HDAC9: variants seen among roughly 807,000 people sequenced by gnomAD.
HDAC9 encodes MEF-2 interacting transcription repressor (MITR) protein.
In HDAC9, 41 loss-of-function variants were observed where a neutral mutation model predicts 139.4. The observed-to-expected ratio is 0.29, with a 90% CI of 0.23 to 0.38. The LOEUF (loss-of-function observed/expected upper bound fraction) is 0.38, where lower values mean the gene tolerates loss of function less well. Ranked by LOEUF, HDAC9 falls within the 10% of genes least tolerant of loss-of-function variation. The probability of loss-of-function intolerance (pLI) is 1.00; values close to 1 mark genes in which losing one functional copy is unlikely to be tolerated. For missense variants in HDAC9, 1,147 were observed against 1,297.0 expected (o/e 0.88, Z 1.78); for synonymous variants, 517 against 476.2 (o/e 1.09, Z -1.12).
At chr7:18,305,333 A>G (rs1024270461) in intron 1 of HDAC9, among the ~76,000 whole-genome samples, 4 of 152,208 alleles carry the variant, frequency 2.6e-5, no homozygotes, top group African/African-American at 9.7e-5. Flanking sequence ...GGTTCTCAAT[A>G]AACAGTCATC....
At chr7:18,780,144 G>C (rs1791122900) in intron 16 of HDAC9, among the ~76,000 whole-genome samples, 1 of 151,998 alleles carries the variant, frequency 6.6e-6, no homozygotes, top group Non-Finnish European at 1.5e-5. Flanking sequence ...CACATTTTGA[G>C]TGGTAAGATC....
intron 1 of HDAC9, among the ~76,000 whole-genome samples, chr7:18,452,729 T>C (rs1314250767): frequency 2.6e-5 from 4 of 152,164 alleles, no homozygotes; most frequent in Non-Finnish European, 5.9e-5. Context: ...GATGGTTTTA[T>C]ACAGGGCAGT....
chr7:18,482,380 CAAAAAAAAAAAAAAAAAAAAAAA>C (rs566243064), intron 1 of HDAC9, among the ~76,000 whole-genome samples: 5 of 32,326 alleles, frequency 1.5e-4, no homozygotes, highest in African/African-American at 3.4e-4. Context: ...CTGGACTCAC[CAAAAAAAAAAAAAAAAAAAAAAA>C]AAAAAAAAAA....
At chr7:18,719,920 C>T (rs1198092495) in intron 12 of HDAC9, among the ~76,000 whole-genome samples, 1 of 152,152 alleles carries the variant, frequency 6.6e-6, no homozygotes, top group Non-Finnish European at 1.5e-5. Flanking sequence ...GCTGAATTGT[C>T]TTGGCACCTT....
intron 2 of HDAC9, among the ~76,000 whole-genome samples, chr7:18,219,530 T>G (rs1792538869): frequency 6.6e-6 from 1 of 152,118 alleles, no homozygotes; most frequent in Admixed American, 6.6e-5. Flanking sequence ...CTGCCAAAAT[T>G]TGGTGAGTGC....
chr7:18,850,715 A>G (rs898149934), intron 21 of HDAC9, among the ~76,000 whole-genome samples: 11 of 152,174 alleles, frequency 7.2e-5, no homozygotes, highest in Admixed American at 2.6e-4. Context: ...CTGTCACAAC[A>G]TATCATGGAC....
chr7:18,178,715 C>A (rs910810834), intron 2 of HDAC9, among the ~76,000 whole-genome samples: 3 of 152,128 alleles, frequency 2.0e-5, no homozygotes, highest in African/African-American at 7.2e-5. Flanking sequence ...ATTCATTGAT[C>A]CAACATTCTT....
At chr7:18,809,087 G>C (rs979255500) in intron 17 of HDAC9, among the ~76,000 whole-genome samples, 3 of 152,084 alleles carry the variant, frequency 2.0e-5, no homozygotes, top group Admixed American at 2.0e-4. Context: ...ATACAAAATG[G>C]GGAAAGGATA....
intron 2 of HDAC9, among the ~76,000 whole-genome samples, chr7:18,574,334 G>A (rs1825300316): frequency 1.3e-5 from 2 of 152,188 alleles, no homozygotes; most frequent in Non-Finnish European, 2.9e-5. Context: ...GCTTCTATCG[G>A]CAAGCAGGTC....
rs1435883327 is a variant in HDAC9 at position 18,762,181 on chromosome 7, C to T, written c.2068C>T (p.Leu690=). 1 of 1,613,410 alleles carries T rather than the reference C, an allele frequency of 6.2e-7. No homozygotes were observed. Among genetic ancestry groups the T allele is most frequent in the Non-Finnish European group, 8.5e-7 (1 of 1,179,702 alleles). Residue 690 remains leucine (L), a synonymous_variant, in exon 15 of 26, where the codon CTG becomes TTG. Coordinates refer to ENST00000686413, the MANE Select transcript of HDAC9 (RefSeq NM_178425.4). ...CERIQGRKAS[L]EEIQLVHSEH... ...GCGAATTCAAGGTCGAAAAGCCAGC[C>T]TGGAGGAAATACAGCTTGTTCATTC...
intron 2 of HDAC9, among the ~76,000 whole-genome samples, chr7:18,544,965 T>C (rs1814291749): frequency 6.6e-6 from 1 of 152,182 alleles, no homozygotes; most frequent in African/African-American, 2.4e-5. Flanking sequence ...TTGTCAAAAC[T>C]GAGCGGTGGT....
intron 1 of HDAC9, among the ~76,000 whole-genome samples, chr7:18,299,274 A>G (rs1289848573): frequency 6.8e-6 from 1 of 147,674 alleles, no homozygotes; most frequent in East Asian, 2.0e-4. Context: ...TTTTTGCTTC[A>G]AAATTTGACC....
chr7:18,707,987 C>T (rs1226008629), intron 12 of HDAC9, among the ~76,000 whole-genome samples: 1 of 151,966 alleles, frequency 6.6e-6, no homozygotes, highest in Non-Finnish European at 1.5e-5. Flanking sequence ...GATACAGGAG[C>T]ATGGATGATT....
At chr7:18,259,388 G>T (rs1474737601) in intron 2 of HDAC9, among the ~76,000 whole-genome samples, 1 of 151,958 alleles carries the variant, frequency 6.6e-6, no homozygotes, top group African/African-American at 2.4e-5. Context: ...TTTGAAACAG[G>T]ATCTTGCTCT....
chr7:18,282,096 AAC>A (rs746348503), intron 2 of HDAC9, among the ~76,000 whole-genome samples: 24 of 152,146 alleles, frequency 1.6e-4, no homozygotes, highest in Non-Finnish European at 2.6e-4. Context: ...TATTGAAAGA[AAC>A]ACACACACTC....
chr7:18,773,248 C>T (rs1263684777), intron 16 of HDAC9, among the ~76,000 whole-genome samples: 1 of 151,794 alleles, frequency 6.6e-6, no homozygotes, highest in Non-Finnish European at 1.5e-5. Context: ...TATCACAAAG[C>T]TGTTAAAATT....
At chr7:18,451,622 T>C (rs1792873875) in intron 1 of HDAC9, among the ~76,000 whole-genome samples, 1 of 152,026 alleles carries the variant, frequency 6.6e-6, no homozygotes, top group South Asian at 2.1e-4. Context: ...CACTGATTTA[T>C]GTGGATATAG....
chr7:18,925,812 A>T (rs1057274082), intron 22 of HDAC9, among the ~76,000 whole-genome samples: 1 of 151,796 alleles, frequency 6.6e-6, no homozygotes, highest in African/African-American at 2.4e-5. Context: ...TATATTGGCC[A>T]CAATGTCTTT....
rs886680951 is a variant in HDAC9 at position 18,143,807 on chromosome 7, G to A, written c.-96-18422G>A. On this transcript the variant is annotated intron_variant, in intron 1 of 12. Coordinates refer to the HDAC9 transcript ENST00000417496. ...GACTCCATCTCAAAAAAAAAAAAAA[G>A]AGTGTCTCTTTTTATTTTACCTATT... Among the ~76,000 whole-genome samples, 31 of 142,462 alleles carry A rather than the reference G, an allele frequency of 2.2e-4. 1 individual carries two copies. The highest frequency in any genetic ancestry group is 3.7e-3 in the Middle Eastern group (1 of 270). 93.5% of individuals were successfully genotyped at this position (142,462 alleles called of 152,430 possible). A position where few individuals can be genotyped will look rare whatever the true frequency, so the allele number is the denominator to read the frequency against.
Sources: allele counts gnomAD v4.1 joint callset (sites outside exome capture counted in the v4.1 genomes callset), GRCh38; gene constraint gnomAD v4.1.1; transcripts MANE v1.5; gene names NCBI Gene and HGNC (gene_info 2026-07-23, HGNC 2026-07-21).